ST6GAL1: variants seen among roughly 807,000 people sequenced by gnomAD.
ST6GAL1 encodes the protein ST6 beta-galactoside alpha-2,6-sialyltransferase 1, also known as beta-galactoside alpha-2,6-sialyltransferase 1.
In ST6GAL1, 20 loss-of-function variants were observed where a neutral mutation model predicts 38.0. The observed-to-expected ratio is 0.53, with a 90% confidence interval of 0.37 to 0.77. The LOEUF (loss-of-function observed/expected upper bound fraction) is 0.77. ST6GAL1 is among the 30% of genes least tolerant of loss of function. The pLI, the probability that ST6GAL1 is intolerant of heterozygous loss-of-function variation, is 0.00. For synonymous variants in ST6GAL1, 196 were observed against 188.2 expected (o/e 1.04, Z -0.34); for missense variants, 432 against 496.4 (o/e 0.87, Z 1.23).
At chr3:186,975,827 CTCA>C (rs1466237164) in intron 2 of ST6GAL1, among the ~76,000 whole-genome samples, 2 of 152,216 alleles carry the variant, frequency 1.3e-5, no homozygotes, top group Admixed American at 1.3e-4. Context: ...GTCTGGGGGA[CTCA>C]CGATTGGGAC....
At chr3:186,958,294 TTAA>T (rs1184074116) in intron 1 of ST6GAL1, among the ~76,000 whole-genome samples, 3 of 152,212 alleles carry the variant, frequency 2.0e-5, no homozygotes, top group Admixed American at 2.0e-4. Flanking sequence ...ATAATGTAAC[TTAA>T]TAATTACTTG....
intron 2 of ST6GAL1, among the ~76,000 whole-genome samples, chr3:186,967,251 G>A (rs1461417759): frequency 2.0e-5 from 3 of 152,156 alleles, no homozygotes; most frequent in East Asian, 1.9e-4. Context: ...GAGTGCGGTG[G>A]CGCAATCTCA....
chr3:186,990,091 T>C (rs775839795), intron 2 of ST6GAL1, among the ~76,000 whole-genome samples: 5 of 152,250 alleles, frequency 3.3e-5, no homozygotes, highest in Non-Finnish European at 5.9e-5. Flanking sequence ...TGGAGTGCAG[T>C]GGTGCGATCT....
At chr3:186,970,820 C>G (rs6795614) in intron 2 of ST6GAL1, among the ~76,000 whole-genome samples, 140,951 of 152,288 alleles carry the variant, frequency 0.93, 65,254 homozygotes, top group Middle Eastern at 0.96. Context: ...GGGCATTTTG[C>G]TTAATTTCAG....
intron 2 of ST6GAL1, among the ~76,000 whole-genome samples, chr3:187,020,925 G>A (rs1457551702): frequency 6.6e-6 from 1 of 152,020 alleles, no homozygotes; most frequent in African/African-American, 2.4e-5. Flanking sequence ...ATCTCAAAGT[G>A]GGGGAGGGTG....
At chr3:186,938,534 C>CT (rs934418715) in intron 1 of ST6GAL1, among the ~76,000 whole-genome samples, 1 of 152,182 alleles carries the variant, frequency 6.6e-6, no homozygotes, top group Non-Finnish European at 1.5e-5. Flanking sequence ...AAGCCGCACA[C>CT]TTTTGCTCCT....
chr3:186,961,124 C>T lies in ST6GAL1; in HGVS notation c.-324-2661C>T, dbSNP rs150917627. 6.8e-3 allele frequency among the ~76,000 whole-genome samples: 1,036 copies of T among 152,176 alleles called. 6 individuals carry two copies. Among genetic ancestry groups the T allele is most frequent in the African/African-American group, 0.024 (980 of 41,536 alleles). On this transcript the variant is annotated intron_variant, in intron 1 of 7. Coordinates refer to ENST00000169298, the MANE Select transcript of ST6GAL1 (RefSeq NM_173216.2). ...CCTAGAAACTGGGATTACAGGTGCA[C>T]GCCACCATGCCTGGCTAATTTTTGT...
intron 2 of ST6GAL1, among the ~76,000 whole-genome samples, chr3:186,976,274 TC>T (rs1715518592): frequency 6.6e-6 from 1 of 152,152 alleles, no homozygotes; most frequent in African/African-American, 2.4e-5. Context: ...CTTCCCCTCC[TC>T]CGTAAGAATT....
intron 2 of ST6GAL1, among the ~76,000 whole-genome samples, chr3:187,024,125 C>T (rs1170625251): frequency 7.2e-5 from 11 of 151,800 alleles, no homozygotes; most frequent in South Asian, 6.2e-4. Context: ...GACAAAGTCT[C>T]GCTGTGTCAC....
chr3:186,984,784 C>CG (rs1715831920), intron 2 of ST6GAL1, among the ~76,000 whole-genome samples: 1 of 31,968 alleles, frequency 3.1e-5, no homozygotes. Context: ...CCTTCCCTTC[C>CG]TCCCTTCCTT....
intron 4 of ST6GAL1, chr3:187,043,829 T>A (rs1718210168): frequency 6.6e-6 from 1 of 152,314 alleles, no homozygotes; most frequent in Non-Finnish European, 1.5e-5. Flanking sequence ...GTTCTGAAAT[T>A]CTGTTGTTTT....
At chr3:186,954,501 A>G (rs758233421) in intron 1 of ST6GAL1, among the ~76,000 whole-genome samples, 3 of 152,024 alleles carry the variant, frequency 2.0e-5, no homozygotes, top group Non-Finnish European at 4.4e-5. Flanking sequence ...CTGTTGTTTC[A>G]CGGCTTTACT....
intron 2 of ST6GAL1, among the ~76,000 whole-genome samples, chr3:187,030,240 C>T (rs1023918537): frequency 6.6e-6 from 1 of 152,198 alleles, no homozygotes; most frequent in Admixed American, 6.5e-5. Flanking sequence ...TCATAGGTAG[C>T]GCTGTCTGCA....
At chr3:186,972,972 C>G (rs6802509) in intron 2 of ST6GAL1, among the ~76,000 whole-genome samples, 93,781 of 152,026 alleles carry the variant, frequency 0.62, 29,090 homozygotes, top group Non-Finnish European at 0.64. Context: ...GCCATGGGCT[C>G]CCCAGTTGTG....
chr3:187,022,461 G>A (rs2108566060), intron 2 of ST6GAL1, among the ~76,000 whole-genome samples: 1 of 152,260 alleles, frequency 6.6e-6, no homozygotes, highest in South Asian at 2.1e-4. Context: ...TTATTGTCTA[G>A]TGACTTGAAG....
chr3:187,042,540 G>A, intron 3 of ST6GAL1, 114 bp from the exon 4 acceptor site: 1 of 1,011,030 alleles, frequency 9.9e-7, no homozygotes, highest in Non-Finnish European at 1.4e-6. Context: ...GGTAGACCAG[G>A]GCTGGAATTC....
chr3:187,066,074 G>T, intron 5 of ST6GAL1, among the ~76,000 whole-genome samples: 1 of 152,144 alleles, frequency 6.6e-6, no homozygotes, highest in East Asian at 1.9e-4. Context: ...GGATGGGTTG[G>T]CAGGGCGGGT....
At chr3:187,019,348 A>G (rs1717218730) in intron 2 of ST6GAL1, among the ~76,000 whole-genome samples, 1 of 152,246 alleles carries the variant, frequency 6.6e-6, no homozygotes. Context: ...GTCTCTATTG[A>G]GTAGCTCTAT....
At chr3:187,042,496 A>C (rs150616585) in intron 3 of ST6GAL1, among the ~76,000 whole-genome samples, 158 bp from the exon 4 acceptor site, 1 of 152,218 alleles carries the variant, frequency 6.6e-6, no homozygotes, top group Non-Finnish European at 1.5e-5. Context: ...ACTTTTGTCG[A>C]GAATTGCTTA....
Sources: gnomAD v4.1 joint callset for allele counts (sites outside exome capture counted in the v4.1 genomes callset) on GRCh38, gnomAD v4.1.1 for gene constraint, MANE v1.5 for transcripts, NCBI Gene and HGNC (gene_info 2026-07-23, HGNC 2026-07-21) for gene names.